Variants in ANO6 observed in about 807,000 individuals in gnomAD.
The protein encoded by ANO6 is anoctamin-6.
ANO6 carries 106 observed loss-of-function variants against 117.5 expected under a neutral mutation model. That is an observed-to-expected ratio of 0.90 (90% CI 0.77 to 1.06). The LOEUF (loss-of-function observed/expected upper bound fraction) is 1.06, where lower values mean the gene tolerates loss of function less well. Among genes scored for constraint, ANO6 ranks in the 50% least tolerant of loss-of-function variants. ANO6 has a pLI of 0.00. For missense variants in ANO6, 955 were observed against 1,121.1 expected (o/e 0.85, Z 2.12); for synonymous variants, 367 against 385.1 (o/e 0.95, Z 0.55).
chr12:45,388,074 A>T, intron 10 of ANO6, 87 bp from the exon 11 acceptor site: 1 of 1,552,616 alleles, frequency 6.4e-7, no homozygotes, highest in Non-Finnish European at 8.9e-7. Context: ...AGGCCAGTAC[A>T]ATGGATAATT....
At chr12:45,357,966 G>A (rs1454556047) in intron 8 of ANO6, among the ~76,000 whole-genome samples, 4 of 152,202 alleles carry the variant, frequency 2.6e-5, no homozygotes, top group Admixed American at 2.6e-4. Flanking sequence ...AAATTAGTTT[G>A]TACTGAGGTT....
intron 12 of ANO6, among the ~76,000 whole-genome samples, chr12:45,397,090 A>T (rs1256896553): frequency 6.6e-6 from 1 of 152,148 alleles, no homozygotes; most frequent in African/African-American, 2.4e-5. Flanking sequence ...TTTGCAATCT[A>T]CCCATCTGAC....
chr12:45,437,460 A>AT (rs879414772), intron 19 of ANO6, among the ~76,000 whole-genome samples: 8 of 152,098 alleles, frequency 5.3e-5, no homozygotes, highest in Non-Finnish European at 7.4e-5. Flanking sequence ...CTTATTTTAA[A>AT]TTTTTTTTAA....
chr12:45,429,647 T>C lies in ANO6; in HGVS notation c.*336T>C. On this transcript the variant is annotated 3_prime_UTR_variant, in exon 20 of 20. Transcript: ENST00000320560. ...TTTTTTTTCTGTTTGATTATTTTCA[T>C]TTCTGTCTATTCTCAGGCGCATGAT... 8.7e-7 allele frequency: 1 copy of C among 1,154,290 alleles called. No homozygotes were observed. Among genetic ancestry groups the C allele is most frequent in the Non-Finnish European group, 1.1e-6 (1 of 930,912 alleles). 71.5% of individuals were successfully genotyped at this position (1,154,290 alleles called of 1,614,324 possible).
In ANO6 at chr12:45,420,638, T is replaced by G. The variant is rs11183021; in HGVS notation, c.2218-433T>G. Among the ~76,000 whole-genome samples, 24 of 151,432 alleles carry G rather than the reference T, an allele frequency of 1.6e-4. No homozygotes were observed. In the East Asian group the frequency reaches 4.5e-3, roughly 28 times the overall value. On this transcript the variant is annotated intron_variant, in intron 17 of 19. Coordinates refer to ENST00000320560, the MANE Select transcript of ANO6 (RefSeq NM_001025356.3). ...CATATATTTTGCAGTTAAGAAAAAA[T>G]TAAGATTTCTGAATCTTTAAAAAAA...
chr12:45,388,478 A>G (rs995728201), intron 11 of ANO6, among the ~76,000 whole-genome samples, 175 bp downstream of exon 11: 2 of 152,138 alleles, frequency 1.3e-5, no homozygotes. Context: ...GGTTTTTTTT[A>G]AAGCTCCTTT....
chr12:45,261,720 T>C (rs79355319), intron 1 of ANO6, among the ~76,000 whole-genome samples: 4,560 of 152,328 alleles, frequency 0.03, 84 homozygotes, highest in Non-Finnish European at 0.042. Flanking sequence ...GTTCTGAAAG[T>C]CTTTCACCTC....
At chr12:45,373,920 G>GAAA (rs1941923772) in intron 9 of ANO6, among the ~76,000 whole-genome samples, 1 of 152,134 alleles carries the variant, frequency 6.6e-6, no homozygotes, top group Non-Finnish European at 1.5e-5. Flanking sequence ...AATGAATCCA[G>GAAA]GAGCATGTTT....
intron 8 of ANO6, among the ~76,000 whole-genome samples, chr12:45,359,953 C>T (rs944491750): frequency 6.6e-6 from 1 of 152,166 alleles, no homozygotes; most frequent in African/African-American, 2.4e-5. Flanking sequence ...AAAAAAATTG[C>T]CATTCTAGTT....
chr12:45,229,891 G>A (rs890929586), intron 1 of ANO6, among the ~76,000 whole-genome samples: 1 of 134,044 alleles, frequency 7.5e-6, no homozygotes, highest in East Asian at 2.2e-4. Flanking sequence ...CCGTAAGATG[G>A]AACGAATGTT....
chr12:45,235,108 T>A (rs142749661), intron 1 of ANO6, among the ~76,000 whole-genome samples: 4 of 152,340 alleles, frequency 2.6e-5, no homozygotes, highest in African/African-American at 9.6e-5. Flanking sequence ...TGTGTTGCTC[T>A]TGTCAGTGTT....
intron 3 of ANO6, among the ~76,000 whole-genome samples, chr12:45,338,575 T>C (rs1183831550): frequency 3.3e-5 from 5 of 152,084 alleles, no homozygotes; most frequent in African/African-American, 1.2e-4. Context: ...CTCCTAAATA[T>C]TTTAGACTAA....
At position 45,271,676 on chromosome 12, in the gene ANO6, G is replaced by A. The variant is rs138135852; in HGVS notation, c.71-30338G>A. On this transcript the variant is annotated intron_variant, in intron 1 of 19. Coordinates refer to ENST00000320560, the MANE Select transcript of ANO6 (RefSeq NM_001025356.3). ...ATTTGCACTATTTACATTTACCCTTGTAGCTGTACCAGAGACTTTTCTGTA... is the reference window on the plus strand; with the variant it reads ...ATTTGCACTATTTACATTTACCCTTATAGCTGTACCAGAGACTTTTCTGTA... Among the ~76,000 whole-genome samples the A allele has an allele frequency of 4.1e-4, 62 of 152,272 alleles. No individual in the cohort carries two copies. The East Asian group carries it at 0.011, about 27-fold the overall frequency.
At chr12:45,395,020 A>G (rs1942570225) in intron 12 of ANO6, among the ~76,000 whole-genome samples, 1 of 152,232 alleles carries the variant, frequency 6.6e-6, no homozygotes, top group African/African-American at 2.4e-5. Context: ...AAGAGACACA[A>G]AAAACCCTTC....
At chr12:45,401,724 G>T in intron 12 of ANO6, 71 bp from the exon 13 acceptor site, 1 of 1,226,658 alleles carries the variant, frequency 8.2e-7, no homozygotes, top group South Asian at 1.2e-5. Context: ...TGTTAAGTGT[G>T]AGTTCAGTTT....
intron 7 of ANO6, among the ~76,000 whole-genome samples, chr12:45,353,418 G>A (rs1309253597): frequency 6.6e-6 from 1 of 152,170 alleles, no homozygotes; most frequent in Non-Finnish European, 1.5e-5. Context: ...TAAACCAATA[G>A]CATCTGATAA....
chr12:45,415,707 T>C (rs1366060180), intron 16 of ANO6, among the ~76,000 whole-genome samples: 2 of 152,222 alleles, frequency 1.3e-5, no homozygotes, highest in Admixed American at 1.3e-4. Flanking sequence ...TTCTGCAACA[T>C]GCCCTTTGGC....
At chr12:45,394,916 A>G (rs1402564610) in intron 12 of ANO6, among the ~76,000 whole-genome samples, 1 of 152,262 alleles carries the variant, frequency 6.6e-6, no homozygotes, top group African/African-American at 2.4e-5. Context: ...TCAACGGCCT[A>G]ACATCATAAT....
intron 1 of ANO6, among the ~76,000 whole-genome samples, chr12:45,255,169 T>C (rs1286083487): frequency 1.3e-5 from 2 of 152,228 alleles, no homozygotes; most frequent in Non-Finnish European, 2.9e-5. Flanking sequence ...CCTTTTATTA[T>C]TCTGACATTT....
Sources: allele counts gnomAD v4.1 joint callset (sites outside exome capture counted in the v4.1 genomes callset), GRCh38; gene constraint gnomAD v4.1.1; transcripts MANE v1.5; gene names NCBI Gene and HGNC (gene_info 2026-07-23, HGNC 2026-07-21).